CATSPERE: variants seen among roughly 807,000 people sequenced by gnomAD.
CATSPERE encodes the protein catsper channel auxiliary subunit epsilon, also known as cation channel sperm-associated auxiliary subunit epsilon.
Under a neutral mutation model 114.1 loss-of-function variants are expected in CATSPERE, and 93 were observed. The observed-to-expected ratio is 0.81, with a 90% CI of 0.69 to 0.97. The LOEUF is 0.97. CATSPERE is among the 50% of genes least tolerant of loss of function. The pLI is 0.00. For synonymous variants in CATSPERE, 341 were observed against 384.1 expected (o/e 0.89, Z 1.31); for missense variants, 1,058 against 1,131.6 (o/e 0.93, Z 0.93).
chr1:244,607,999 C>G lies in CATSPERE; in HGVS notation c.2403+2205C>G, dbSNP rs1670218671. ...GCACACACCTGTAATCCCAGCTACT[C>G]AGGAGGCTGAGACAGGAGAATCGCT... On this transcript the variant is annotated intron_variant, in intron 18 of 21. Coordinates refer to ENST00000366534, the MANE Select transcript of CATSPERE (RefSeq NM_001130957.2). The surrounding 1 kb of genome is among the most constrained non-coding windows in gnomAD (Gnocchi z 4.4). 6.6e-6 allele frequency among the ~76,000 whole-genome samples: 1 copy of G among 152,128 alleles called. No individual in the cohort carries two copies. Among genetic ancestry groups the G allele is most frequent in the Admixed American group, 6.5e-5 (1 of 15,274 alleles).
At chr1:244,598,084 A>G (rs1452161562) in intron 17 of CATSPERE, among the ~76,000 whole-genome samples, 2 of 152,190 alleles carry the variant, frequency 1.3e-5, no homozygotes, top group African/African-American at 2.4e-5. Flanking sequence ...ATATATTCAT[A>G]TAACTAGTTA....
At chr1:244,579,871 T>C (rs1203594424) in intron 11 of CATSPERE, among the ~76,000 whole-genome samples, 1 of 152,220 alleles carries the variant, frequency 6.6e-6, no homozygotes, top group Non-Finnish European at 1.5e-5. Context: ...TTTTTTTTCT[T>C]CTTTCAACTT....
At position 244,572,555 on chromosome 1, in the gene CATSPERE, C is replaced by T. The variant is rs761189835; in HGVS notation, c.1733C>T (p.Thr578Ile). The T allele has an allele frequency of 1.2e-6, 2 of 1,613,964 alleles. No homozygotes were observed. Among genetic ancestry groups the T allele is most frequent in the African/African-American group, 1.3e-5 (1 of 74,934 alleles). Residue 578 changes from threonine to isoleucine, a missense_variant, in exon 11 of 22, where the codon ACA (threonine) becomes ATA (isoleucine). Around this residue, in one of 2 missense-constraint regions of CATSPERE, gnomAD observed 787 missense variants for 905.6 expected, o/e 0.87. Coordinates refer to ENST00000366534, the MANE Select transcript of CATSPERE (RefSeq NM_001130957.2). The stretch of plus-strand genomic sequence containing the variant: ...CTGGAAGCACAAAGTATAGCTTTCA[C>T]AACAAAAGACAAATGCCCATACATG... ...LHLEAQSIAF[T>I]TKDKCPYMAF...
At chr1:244,505,710 A>G (rs1369638976) in intron 7 of CATSPERE, among the ~76,000 whole-genome samples, 1 of 152,172 alleles carries the variant, frequency 6.6e-6, no homozygotes, top group East Asian at 1.9e-4. Flanking sequence ...CGGGTGGCTT[A>G]AAAAACAGAA....
At chr1:244,521,496 T>C (rs1034169173) in intron 8 of CATSPERE, among the ~76,000 whole-genome samples, 1 of 151,898 alleles carries the variant, frequency 6.6e-6, no homozygotes, top group African/African-American at 2.4e-5. Flanking sequence ...CTTAAAGGAG[T>C]AAAATTAGAT....
intron 7 of CATSPERE, among the ~76,000 whole-genome samples, chr1:244,514,828 CAAAAAAAA>C (rs371207477): frequency 2.4e-5 from 1 of 42,426 alleles, no homozygotes; most frequent in Admixed American, 2.5e-4. Flanking sequence ...GACTCCATCT[CAAAAAAAA>C]AAAAAAAAAA....
At chr1:244,461,759 C>T (rs1217343235) in intron 1 of CATSPERE, among the ~76,000 whole-genome samples, 1 of 152,162 alleles carries the variant, frequency 6.6e-6, no homozygotes, top group African/African-American at 2.4e-5. Context: ...ATGCTGCTGT[C>T]CTCAGAACAT....
intron 8 of CATSPERE, among the ~76,000 whole-genome samples, chr1:244,521,418 TTTATAC>T (rs1191957346): frequency 2.0e-5 from 3 of 152,128 alleles, no homozygotes. Flanking sequence ...ATCAAGTTGA[TTTATAC>T]CAGAAGTGCA....
chr1:244,460,307 G>A (rs1446692090), upstream of CATSPERE, among the ~76,000 whole-genome samples: 2 of 152,134 alleles, frequency 1.3e-5, no homozygotes, highest in African/African-American at 2.4e-5. Flanking sequence ...GCCCTAAACC[G>A]CTCCTAAGAT....
intron 19 of CATSPERE, among the ~76,000 whole-genome samples, chr1:244,615,442 G>T (rs954980335): frequency 6.6e-6 from 1 of 151,590 alleles, no homozygotes; most frequent in African/African-American, 2.4e-5. Context: ...AGGCAATTTT[G>T]TCATTATGCA....
chr1:244,620,137 T>C (rs941018882), intron 20 of CATSPERE, among the ~76,000 whole-genome samples: 3 of 152,224 alleles, frequency 2.0e-5, no homozygotes, highest in African/African-American at 7.2e-5. Flanking sequence ...TTTTGATTTC[T>C]CGTAAAAGGT....
At position 244,559,601 on chromosome 1, in the gene CATSPERE, C is replaced by G. The variant is rs1370793415; in HGVS notation, c.1030-1067C>G. Among the ~76,000 whole-genome samples the G allele has an allele frequency of 2.0e-5, 3 of 152,284 alleles. No homozygotes were observed. In the East Asian group the frequency reaches 5.8e-4, roughly 29 times the overall value. On this transcript the variant is annotated intron_variant, in intron 9 of 21. Coordinates refer to ENST00000366534, the MANE Select transcript of CATSPERE (RefSeq NM_001130957.2). The stretch of plus-strand genomic sequence containing the variant: ...ACAGCAGTTTCTGAATACTAGCAGC[C>G]TATATCCATGAAAGGGTAGAATTCA...
At chr1:244,538,253 GTTTA>G (rs1680671842) in intron 8 of CATSPERE, among the ~76,000 whole-genome samples, 1 of 152,074 alleles carries the variant, frequency 6.6e-6, no homozygotes, top group South Asian at 2.1e-4. Context: ...GATTAAGTAC[GTTTA>G]TTTATCTCTA....
intron 19 of CATSPERE, among the ~76,000 whole-genome samples, chr1:244,615,044 T>C (rs1393287): frequency 0.32 from 48,990 of 151,732 alleles, 8,123 homozygotes; most frequent in East Asian, 0.42. Context: ...GCAGCCCTCA[T>C]TGTTAATTCA....
At position 244,557,532 on chromosome 1, in the gene CATSPERE, C is replaced by CATATATATATATATATATAT. The variant is rs61291602; in HGVS notation, c.1030-3104_1030-3085dup. ...TATATATAATTTTATTTGAAATATTCATATATATATATATATATATATATA... is the reference window on the plus strand; with the variant it reads ...TATATATAATTTTATTTGAAATATTCATATATATATATATATATATATATATATATATATATATATATATA... On this transcript the variant is annotated intron_variant, in intron 9 of 21. Coordinates refer to ENST00000366534, the MANE Select transcript of CATSPERE (RefSeq NM_001130957.2). Among the ~76,000 whole-genome samples, 2 of 40,636 alleles carry CATATATATATATATATATAT rather than the reference C, an allele frequency of 4.9e-5. 1 individual carries two copies. The highest frequency in any genetic ancestry group is 1.3e-4 in the Non-Finnish European group (2 of 15,984). The allele number at this position is 40,636 out of a possible 152,430, so 26.7% of individuals were successfully genotyped here. A position where few individuals can be genotyped will look rare whatever the true frequency, so the allele number is the denominator to read the frequency against.
At chr1:244,618,700 C>G (rs1316770286) in intron 20 of CATSPERE, among the ~76,000 whole-genome samples, 1 of 151,140 alleles carries the variant, frequency 6.6e-6, no homozygotes, top group East Asian at 2.0e-4. Context: ...TCGCTTGAGC[C>G]TGGGAGCCAG....
intron 7 of CATSPERE, among the ~76,000 whole-genome samples, chr1:244,508,766 AG>A (rs150926175): frequency 0.049 from 7,332 of 150,088 alleles, 650 homozygotes; most frequent in African/African-American, 0.17. Flanking sequence ...TGGGAGGTCA[AG>A]GTGGTGTGGA....
chr1:244,479,050 AAAAG>A (rs1669835969), intron 4 of CATSPERE, among the ~76,000 whole-genome samples: 1 of 151,430 alleles, frequency 6.6e-6, no homozygotes. Context: ...AAAAAAAAAA[AAAAG>A]ATTTATGAGG....
chr1:244,559,000 C>G (rs1031563663), intron 9 of CATSPERE, among the ~76,000 whole-genome samples: 1 of 152,182 alleles, frequency 6.6e-6, no homozygotes, highest in Non-Finnish European at 1.5e-5. Flanking sequence ...TACTACCTTA[C>G]ATTTTGAAGA....
Sources: allele counts gnomAD v4.1 joint callset (sites outside exome capture counted in the v4.1 genomes callset), GRCh38; gene constraint gnomAD v4.1.1; regional missense constraint gnomAD v4.1.1; non-coding constraint Gnocchi (gnomAD v3.1); transcripts MANE v1.5; gene names NCBI Gene and HGNC (gene_info 2026-07-23, HGNC 2026-07-21).